CUX2: variants seen among roughly 807,000 people sequenced by gnomAD.
CUX2 encodes homeobox protein cut-like 2.
A neutral mutation model predicts 144.8 loss-of-function variants in CUX2; 40 were observed. The observed-to-expected ratio is 0.28, with a 90% CI of 0.21 to 0.36. The LOEUF (loss-of-function observed/expected upper bound fraction) is 0.36, where lower values mean the gene tolerates loss of function less well. Among genes scored for constraint, CUX2 ranks in the 10% least tolerant of loss-of-function variants. CUX2 has a pLI of 1.00. For missense variants in CUX2, 1,615 were observed against 1,994.0 expected (o/e 0.81, Z 3.62); for synonymous variants, 827 against 875.6 (o/e 0.94, Z 0.98).
chr12:111,280,506 A>T lies in CUX2; in HGVS notation c.302-10912A>T, dbSNP rs114275403. Among the ~76,000 whole-genome samples the T allele has an allele frequency of 4.6e-3, 699 of 152,246 alleles. 10 individuals are homozygous for T. The highest frequency in any genetic ancestry group is 0.016 in the African/African-American group (656 of 41,542). On this transcript the variant is annotated intron_variant, in intron 4 of 21. Coordinates refer to ENST00000261726, the MANE Select transcript of CUX2 (RefSeq NM_015267.4). ...CAGCCTCCAAAACACAGCAGAGCAG[A>T]TTCCTCTGGCTGCTGTGCCCCATTA...
intron 1 of CUX2, among the ~76,000 whole-genome samples, chr12:111,075,655 T>C (rs1871493558): frequency 6.6e-6 from 1 of 152,156 alleles, no homozygotes; most frequent in South Asian, 2.1e-4. Context: ...TCTTTTTACT[T>C]ATTTGGGCGC....
chr12:111,274,045 G>T (rs1180747426), intron 4 of CUX2, among the ~76,000 whole-genome samples: 2 of 152,124 alleles, frequency 1.3e-5, no homozygotes, highest in African/African-American at 4.8e-5. Context: ...CAGTATATAA[G>T]AACTTGATTT....
intron 18 of CUX2, among the ~76,000 whole-genome samples, chr12:111,330,426 A>C (rs949119717): frequency 7.9e-5 from 12 of 151,670 alleles, no homozygotes; most frequent in Non-Finnish European, 1.6e-4. Context: ...TTTGCCATTT[A>C]TTGCTGTGTG....
In CUX2 at chr12:111,047,279, C is replaced by T. The variant is rs539038464; in HGVS notation, c.63+13039C>T. Reference sequence around the variant, plus strand: ...ATTTATTTAGTCAATATGGCCTCCCCGGTCAATAAATCGTGTCGTTGATAA... The same window carrying T: ...ATTTATTTAGTCAATATGGCCTCCCTGGTCAATAAATCGTGTCGTTGATAA... On this transcript the variant is annotated intron_variant, in intron 1 of 21. Transcript: ENST00000261726. 2.6e-5 allele frequency among the ~76,000 whole-genome samples: 4 copies of T among 152,298 alleles called. No individual in the cohort carries two copies. The South Asian group carries it at 8.3e-4, about 32-fold the overall frequency.
At chr12:111,213,282 C>G (rs1261021990) in intron 1 of CUX2, among the ~76,000 whole-genome samples, 1 of 152,198 alleles carries the variant, frequency 6.6e-6, no homozygotes, top group Non-Finnish European at 1.5e-5. Flanking sequence ...TTGAATTATG[C>G]AAATGAAATC....
chr12:111,334,103 C>T (rs1020584390), intron 18 of CUX2, among the ~76,000 whole-genome samples: 7 of 151,480 alleles, frequency 4.6e-5, no homozygotes, highest in Non-Finnish European at 1.0e-4. Flanking sequence ...AGGAGAATCG[C>T]TTGAACCCGG....
chr12:111,043,675 C>A (rs533265289), intron 1 of CUX2, among the ~76,000 whole-genome samples: 1 of 152,042 alleles, frequency 6.6e-6, no homozygotes, highest in Non-Finnish European at 1.5e-5. Flanking sequence ...TAGCCAGGCG[C>A]GGTGGCTCAC....
At chr12:111,141,644 C>T (rs1423611441) in intron 1 of CUX2, among the ~76,000 whole-genome samples, 1 of 152,170 alleles carries the variant, frequency 6.6e-6, no homozygotes, top group Middle Eastern at 3.2e-3. Context: ...AGGACATAAA[C>T]CCAACTCTGG....
chr12:111,131,554 C>T, intron 1 of CUX2, among the ~76,000 whole-genome samples: 1 of 152,158 alleles, frequency 6.6e-6, no homozygotes, highest in East Asian at 1.9e-4. Flanking sequence ...CAAGGCAAGT[C>T]CCTTCCACCT....
At chr12:111,170,672 G>A (rs1488527415) in intron 1 of CUX2, among the ~76,000 whole-genome samples, 1 of 148,854 alleles carries the variant, frequency 6.7e-6, no homozygotes, top group African/African-American at 2.5e-5. Flanking sequence ...TGATGACAAA[G>A]CCTGGGTTCT....
chr12:111,216,622 C>T (rs560290536), intron 2 of CUX2, among the ~76,000 whole-genome samples: 2 of 152,312 alleles, frequency 1.3e-5, no homozygotes, highest in African/African-American at 2.4e-5. Flanking sequence ...CAGCCTCCCT[C>T]GTAGCTGCTT....
At chr12:111,164,803 T>G (rs1469140245) in intron 1 of CUX2, among the ~76,000 whole-genome samples, 1 of 152,042 alleles carries the variant, frequency 6.6e-6, no homozygotes, top group Non-Finnish European at 1.5e-5. Flanking sequence ...CTGCTAACAG[T>G]GTGATGTTAC....
At position 111,246,389 on chromosome 12, in the gene CUX2, T is replaced by A. The variant is rs549042908; in HGVS notation, c.223-17372T>A. ...TTCCTCACAGGGCTTTTAGGATGAT[T>A]TCTAGACTTAATACATATAAAGCAC... On this transcript the variant is annotated intron_variant, in intron 3 of 21. Transcript: ENST00000261726. The surrounding 1 kb of genome is among the most constrained non-coding windows in gnomAD (Gnocchi z 4.0). 6.6e-6 allele frequency among the ~76,000 whole-genome samples: 1 copy of A among 152,280 alleles called. No individual in the cohort carries two copies. The highest frequency in any genetic ancestry group is 1.5e-5 in the Non-Finnish European group (1 of 68,016).
At chr12:111,286,223 A>G (rs1885372190) in intron 4 of CUX2, among the ~76,000 whole-genome samples, 1 of 152,208 alleles carries the variant, frequency 6.6e-6, no homozygotes, top group Non-Finnish European at 1.5e-5. Flanking sequence ...ATGAAAGCAC[A>G]CAACGCCTAG....
At chr12:111,097,356 G>T (rs1016438647) in intron 1 of CUX2, among the ~76,000 whole-genome samples, 6 of 152,158 alleles carry the variant, frequency 3.9e-5, no homozygotes, top group African/African-American at 4.8e-5. Context: ...AAGTGTTTTG[G>T]GAAATGACAC....
At chr12:111,135,796 A>G (rs966954842) in intron 1 of CUX2, among the ~76,000 whole-genome samples, 6 of 152,246 alleles carry the variant, frequency 3.9e-5, no homozygotes, top group Non-Finnish European at 8.8e-5. Flanking sequence ...ATAGAGACAG[A>G]AAGCAGATTA....
At position 111,348,404 on chromosome 12, in the gene CUX2, AAGGG is replaced by A; in HGVS notation, c.*87_*90del. On this transcript the variant is annotated 3_prime_UTR_variant, in exon 22 of 22. Coordinates refer to ENST00000261726, the MANE Select transcript of CUX2 (RefSeq NM_015267.4). The stretch of plus-strand genomic sequence containing the variant: ...CTTACTCTCCTCAACAGGATGGGGT[AAGGG>A]AGGGAGGAACTCAACCATCAAAATG... 2.2e-6 allele frequency: 3 copies of A among 1,341,308 alleles called. No homozygotes were observed. The highest frequency in any genetic ancestry group is 2.1e-6 in the Non-Finnish European group (2 of 973,520). The allele number at this position is 1,341,308 out of a possible 1,614,324, so 83.1% of individuals were successfully genotyped here. A position where few individuals can be genotyped will look rare whatever the true frequency, so the allele number is the denominator to read the frequency against.
At chr12:111,283,917 C>T (rs1420146436) in intron 4 of CUX2, among the ~76,000 whole-genome samples, 1 of 152,162 alleles carries the variant, frequency 6.6e-6, no homozygotes, top group Admixed American at 6.5e-5. Flanking sequence ...ACACCATGCT[C>T]TGAAACTCCC....
At chr12:111,127,288 G>A (rs1214285842) in intron 1 of CUX2, among the ~76,000 whole-genome samples, 2 of 152,228 alleles carry the variant, frequency 1.3e-5, no homozygotes, top group Non-Finnish European at 2.9e-5. Context: ...ACCTGGGCAA[G>A]TGACCCAACT....
Sources: allele counts gnomAD v4.1 joint callset (sites outside exome capture counted in the v4.1 genomes callset), GRCh38; gene constraint gnomAD v4.1.1; non-coding constraint Gnocchi (gnomAD v3.1); transcripts MANE v1.5; gene names NCBI Gene and HGNC (gene_info 2026-07-23, HGNC 2026-07-21).